Variants in EFCAB12 observed in about 807,000 individuals in gnomAD.
The protein encoded by EFCAB12 is EF-hand calcium binding domain 12, also known as EF-hand calcium-binding domain-containing protein 12.
EFCAB12 carries 43 observed loss-of-function variants against 53.6 expected under a neutral mutation model. The ratio of observed to expected loss-of-function variants is 0.80; its 90% CI spans 0.63 to 1.03. EFCAB12 has a LOEUF of 1.03. EFCAB12 is among the 50% of genes least tolerant of loss of function. The pLI, the probability that EFCAB12 is intolerant of heterozygous loss-of-function variation, is 0.00. For missense variants in EFCAB12, 646 were observed against 730.6 expected (o/e 0.88, Z 1.34); for synonymous variants, 269 against 289.2 (o/e 0.93, Z 0.71).
At chr3:129,418,995 T>A (rs2072156087) in intron 2 of EFCAB12, among the ~76,000 whole-genome samples, 1 of 152,192 alleles carries the variant, frequency 6.6e-6, no homozygotes, top group Admixed American at 6.5e-5. Flanking sequence ...CCTAGGGTAT[T>A]GTTCCTCTGT....
In EFCAB12 at chr3:129,417,314, A is replaced by C. The variant is rs1416758688; in HGVS notation, c.681+940T>G. On this transcript the variant is annotated intron_variant, in intron 3 of 8. Transcript: ENST00000505956. ...CACTCCAGCCTGGTGACAGAGTGAG[A>C]CTCTGCCTCAAAAAAAAAAAAAAAA... 3.1e-5 allele frequency among the ~76,000 whole-genome samples: 4 copies of C among 127,942 alleles called. No individual in the cohort carries two copies. In the South Asian group the frequency reaches 7.7e-4, roughly 25 times the overall value. The allele number at this position is 127,942 out of a possible 152,430, so 83.9% of individuals were successfully genotyped here. A position where few individuals can be genotyped will look rare whatever the true frequency, so the allele number is the denominator to read the frequency against.
chr3:129,408,720 A>G lies in EFCAB12; in HGVS notation c.1174T>C (p.Phe392Leu). The G allele has an allele frequency of 6.3e-7, 1 of 1,587,598 alleles. No homozygotes were observed. Residue 392 changes from phenylalanine to leucine, a missense_variant, in exon 6 of 9, where the codon TTT becomes CTT. Transcript: ENST00000505956. ...ELIDSARRHN[F>L]LVYLQCWKLC... ...TTCCAGCATTGCAGGTAGACCAGAAAGTTGTGCCTGCGGGCCGAGTCAATG... is the reference window on the plus strand; with the variant it reads ...TTCCAGCATTGCAGGTAGACCAGAAGGTTGTGCCTGCGGGCCGAGTCAATG...
At chr3:129,404,510 T>G in intron 6 of EFCAB12, 107 bp from the exon 7 acceptor site, 2 of 1,277,564 alleles carry the variant, frequency 1.6e-6, no homozygotes, top group South Asian at 2.0e-5. Context: ...ATTCACATTT[T>G]TAAGACGTTT....
chr3:129,401,958 G>A, intron 8 of EFCAB12, 107 bp from the exon 9 acceptor site: 2 of 1,438,136 alleles, frequency 1.4e-6, no homozygotes, highest in East Asian at 4.9e-5. Flanking sequence ...TTAGCACTGT[G>A]CCAAGCACTT....
intron 4 of EFCAB12, 119 bp from the exon 5 acceptor site, chr3:129,411,473 C>A: frequency 9.4e-7 from 1 of 1,068,228 alleles, no homozygotes. Context: ...CCGCTCCCTT[C>A]CCACACGTCT....
chr3:129,428,336 G>A, intron 1 of EFCAB12, 104 bp downstream of exon 1: 6 of 1,466,202 alleles, frequency 4.1e-6, no homozygotes, highest in East Asian at 2.5e-5. Flanking sequence ...TTCACCCAGA[G>A]GGGGTCGGCA....
At position 129,404,384 on chromosome 3, in the gene EFCAB12, G is replaced by T. The variant is rs1297263843; in HGVS notation, c.1269C>A (p.Asp423Glu). ...CTTTGTCCATCTGGAAAATGATCTT[G>T]TCTCCTGGGTACAGCAAGGCTGTGG... ...ILMKALLYPG[D>E]KIIFQMDKVC... is the part of the protein sequence containing the mutation. The change falls in exon 7 of 9, where the codon GAC (aspartate) becomes GAA (glutamate). Residue 423 changes from aspartate to glutamate, a missense_variant. Physicochemically the swap from Asp to Glu is conservative, Grantham distance 45. Transcript: ENST00000505956. 6.2e-7 allele frequency: 1 copy of T among 1,613,378 alleles called. No homozygotes were observed. Among genetic ancestry groups the T allele is most frequent in the Non-Finnish European group, 8.5e-7 (1 of 1,179,766 alleles).
chr3:129,411,331 C>G lies in EFCAB12; in HGVS notation c.862G>C (p.Asp288His), dbSNP rs1001039614. 1.3e-5 allele frequency: 21 copies of G among 1,592,102 alleles called. No homozygotes were observed. Among genetic ancestry groups the G allele is most frequent in the Non-Finnish European group, 1.7e-5 (20 of 1,166,520 alleles). Residue 288 changes from aspartate (D) to histidine (H), a missense_variant, in exon 5 of 9, where the codon GAT becomes CAT. Transcript: ENST00000505956. ...TTCTTGAGCGGACCCTTCAGGGAAT[C>G]TCTGTGCTTGGCCAAGATATAATCT... ...REHYILAKHR[D>H]SLKGPLKKQE...
chr3:129,411,750 C>T (rs1017503221), intron 4 of EFCAB12: 1 of 157,032 alleles, frequency 6.4e-6, no homozygotes, highest in Non-Finnish European at 1.4e-5. Context: ...CTGGCTAACA[C>T]TGTGAAACCC....
chr3:129,421,609 T>C lies in EFCAB12; in HGVS notation c.244A>G (p.Lys82Glu). The change falls in exon 2 of 9, where the codon AAG (lysine) becomes GAG (glutamate). Residue 82 changes from lysine to glutamate, a missense_variant. Transcript: ENST00000505956. Reference protein sequence around the residue: ...NPASQPQAPPKPIPSFKVLEA... With the variant: ...NPASQPQAPPEPIPSFKVLEA... ...AGAACTTTGAAGCTGGGGATGGGCT[T>C]TGGGGGAGCCTGAGGTTGGGATGCA... is the stretch of plus-strand genomic sequence containing the variant. The C allele has an allele frequency of 6.2e-7, 1 of 1,613,966 alleles. No individual in the cohort carries two copies. The highest frequency in any genetic ancestry group is 8.5e-7 in the Non-Finnish European group (1 of 1,179,884).
At chr3:129,418,813 G>T (rs61404223) in intron 2 of EFCAB12, among the ~76,000 whole-genome samples, 5,319 of 151,982 alleles carry the variant, frequency 0.035, 294 homozygotes, top group South Asian at 0.11. Flanking sequence ...CCCCATCCCC[G>T]CCCCCAGCCT....
In EFCAB12 at chr3:129,428,620, T is replaced by G. The variant is rs1018311647; in HGVS notation, c.-132A>C. ...CGTGCGAAAGGCGCTCAGCTCAGAC[T>G]GCAGAAGCAACCTGTTGCCGTGGCT... On this transcript the variant is annotated 5_prime_UTR_variant, in exon 1 of 9. Coordinates refer to ENST00000505956, the MANE Select transcript of EFCAB12 (RefSeq NM_207307.3). The G allele has an allele frequency of 7.1e-6, 8 of 1,130,608 alleles. No homozygotes were observed. The highest frequency in any genetic ancestry group is 2.6e-5 in the East Asian group (1 of 37,828). 70.0% of individuals were successfully genotyped at this position (1,130,608 alleles called of 1,614,324 possible). A position where few individuals can be genotyped will look rare whatever the true frequency, so the allele number is the denominator to read the frequency against.
chr3:129,418,120 GTT>G, intron 3 of EFCAB12, 132 bp downstream of exon 3: 2 of 799,290 alleles, frequency 2.5e-6, no homozygotes, highest in Admixed American at 6.2e-5. Flanking sequence ...AAGGCTGACA[GTT>G]TGCACTCCTT....
Position 129,401,412 on chromosome 3 carries a change from C to T in EFCAB12, c.*181G>A, listed in dbSNP as rs2071867452. On this transcript the variant is annotated 3_prime_UTR_variant, in exon 9 of 9. Coordinates refer to ENST00000505956, the MANE Select transcript of EFCAB12 (RefSeq NM_207307.3). ...AAAACTGCACGTCATTCCTTGGACACATCTACCCTCTGAGACACTGGACAC... is the reference window on the plus strand; with the variant it reads ...AAAACTGCACGTCATTCCTTGGACATATCTACCCTCTGAGACACTGGACAC... The T allele has an allele frequency of 2.5e-6, 2 of 786,372 alleles. No individual in the cohort carries two copies. The highest frequency in any genetic ancestry group is 3.2e-5 in the Admixed American group (1 of 31,626). 48.7% of individuals were successfully genotyped at this position (786,372 alleles called of 1,614,324 possible). A position where few individuals can be genotyped will look rare whatever the true frequency, so the allele number is the denominator to read the frequency against.
At chr3:129,404,488 T>G in intron 6 of EFCAB12, 85 bp from the exon 7 acceptor site, 19 of 1,368,202 alleles carry the variant, frequency 1.4e-5, no homozygotes, top group Non-Finnish European at 1.8e-5. Flanking sequence ...GGAGGTGTTT[T>G]TTTTTTTTTT....
rs114687109 is a variant in EFCAB12, at chr3:129,423,040, T to C, written c.50-1237A>G. ...CAGTAAATATTTGGTGAGTGAAAAA[T>C]GGACAGACCTATGATGCTGGTACTA... On this transcript the variant is annotated intron_variant, in intron 1 of 8. Transcript: ENST00000505956. Among the ~76,000 whole-genome samples, 1,073 of 152,254 alleles carry C rather than the reference T, an allele frequency of 7.0e-3. 15 individuals carry two copies. The highest frequency in any genetic ancestry group is 0.023 in the African/African-American group (946 of 41,538).
At chr3:129,405,181 A>C (rs1270427993) in intron 6 of EFCAB12, among the ~76,000 whole-genome samples, 2 of 152,074 alleles carry the variant, frequency 1.3e-5, no homozygotes, top group Non-Finnish European at 2.9e-5. Context: ...TCCTTGGGAG[A>C]GTTTTCTCAG....
At chr3:129,415,794 T>C (rs1356583979) in intron 3 of EFCAB12, among the ~76,000 whole-genome samples, 2 of 152,186 alleles carry the variant, frequency 1.3e-5, no homozygotes, top group Non-Finnish European at 2.9e-5. Flanking sequence ...ATCATCCCTA[T>C]ACACAAGTAA....
At chr3:129,424,009 G>A (rs986929393) in intron 1 of EFCAB12, among the ~76,000 whole-genome samples, 4 of 152,144 alleles carry the variant, frequency 2.6e-5, no homozygotes, top group Admixed American at 1.3e-4. Flanking sequence ...CTTCTCATGG[G>A]CCCTCTGGGT....
Sources: gnomAD v4.1 joint callset for allele counts (sites outside exome capture counted in the v4.1 genomes callset) on GRCh38, gnomAD v4.1.1 for gene constraint, MANE v1.5 for transcripts, NCBI Gene and HGNC (gene_info 2026-07-23, HGNC 2026-07-21) for gene names.